ASAP3: variants seen among roughly 807,000 people sequenced by gnomAD.
The protein encoded by ASAP3 is arf-GAP with SH3 domain, ANK repeat and PH domain-containing protein 3.
In ASAP3, 85 loss-of-function variants were observed where a neutral mutation model predicts 118.2. The ratio of observed to expected loss-of-function variants is 0.72; its 90% CI spans 0.60 to 0.86. The LOEUF is 0.86. Ranked by LOEUF, ASAP3 falls within the 40% of genes least tolerant of loss-of-function variation. The pLI, the probability that ASAP3 is intolerant of heterozygous loss-of-function variation, is 0.00. For synonymous variants in ASAP3, 432 were observed against 477.4 expected, an observed-to-expected ratio of 0.90 and a Z score of 1.24; for missense variants, 1,026 against 1,175.0, an observed-to-expected ratio of 0.87 and a Z score of 1.85.
In ASAP3 at chr1:23,436,601, T is replaced by C. The variant is rs767436372; in HGVS notation, c.1530A>G (p.Leu510=). The change falls in exon 16 of 25, where the codon CTA becomes CTG. Residue 510 remains leucine (L), a synonymous_variant. Transcript: ENST00000336689. This position sits in a 1 kb window ranked among gnomAD's most constrained non-coding sequence, Gnocchi z 4.2. The stretch of plus-strand genomic sequence containing the variant: ...AGGGTTTAGGGCCGCCGTGTGAGGG[T>C]AGCTGGGCCTCCATGACCTCATTGA... ...TSFNEVMEAQ[L]PSHGGPKPSA... 5.0e-6 allele frequency: 8 copies of C among 1,614,052 alleles called. 1 individual carries two copies. The highest frequency in any genetic ancestry group is 6.8e-6 in the Non-Finnish European group (8 of 1,180,032).
rs1640758217 is a variant in ASAP3, at chr1:23,438,652, C to T, written c.1102+95G>A. On this transcript the variant is annotated intron_variant, in intron 12 of 24. Transcript: ENST00000336689. This position sits in a 1 kb window ranked among gnomAD's most constrained non-coding sequence, Gnocchi z 4.9. ...ATTCGACACCATGTGTGGAACTGGACACAGACCCCTCACTGAAGCCCCCCG... is the reference window on the plus strand; with the variant it reads ...ATTCGACACCATGTGTGGAACTGGATACAGACCCCTCACTGAAGCCCCCCG... The T allele has an allele frequency of 1.8e-6, 2 of 1,093,532 alleles. No individual in the cohort carries two copies. The highest frequency in any genetic ancestry group is 2.7e-5 in the South Asian group (2 of 74,922). The allele number at this position is 1,093,532 out of a possible 1,614,324, so 67.7% of individuals were successfully genotyped here.
chr1:23,447,303 A>G (rs1184916197), intron 5 of ASAP3, among the ~76,000 whole-genome samples: 2 of 152,172 alleles, frequency 1.3e-5, no homozygotes, highest in Admixed American at 1.3e-4. Flanking sequence ...TTTACTTCAT[A>G]ATGGCCCCAG....
chr1:23,431,638 T>C (rs1196991473), intron 23 of ASAP3, 58 bp downstream of exon 23: 1 of 1,440,978 alleles, frequency 6.9e-7, no homozygotes, highest in Non-Finnish European at 9.3e-7. Context: ...TGGAAATCAA[T>C]GGATGCTCAG....
At position 23,437,368 on chromosome 1, in the gene ASAP3, T is replaced by G. The variant is rs768604586; in HGVS notation, c.1152-48A>C. ...GATGGGGATGTCAAGTGGGAAGAGA[T>G]AGGGCCGCCGGCCCCCACCCACAAG... On this transcript the variant is annotated intron_variant, in intron 13 of 24. Transcript: ENST00000336689. This position sits in a 1 kb window ranked among gnomAD's most constrained non-coding sequence, Gnocchi z 6.1. 6.2e-7 allele frequency: 1 copy of G among 1,610,372 alleles called. No homozygotes were observed. Among genetic ancestry groups the G allele is most frequent in the East Asian group, 2.2e-5 (1 of 44,790 alleles).
Position 23,431,103 on chromosome 1 carries a change from G to T in ASAP3, c.2569C>A (p.Arg857=). The T allele has an allele frequency of 6.3e-7, 1 of 1,591,982 alleles. No homozygotes were observed. Among genetic ancestry groups the T allele is most frequent in the Admixed American group, 1.8e-5 (1 of 56,400 alleles). ...RFSSESTRSY[R]RGARSPEDGP... ...TCTTCAGGGCTCCGCGCCCCCCGCC[G>T]ATAGGAGCGAGTGCTCTCGGAGCTG... The change falls in exon 24 of 25, where the codon CGG becomes AGG. Residue 857 remains arginine (R), a synonymous_variant. Coordinates refer to ENST00000336689, the MANE Select transcript of ASAP3 (RefSeq NM_017707.4).
chr1:23,451,503 G>A lies in ASAP3; in HGVS notation c.449C>T (p.Ala150Val), dbSNP rs770430325. ...RQDSKKQLEK[A>V]WKDYEAKMAK... ...CATTTTGGCTTCATAGTCCTTCCAT[G>A]CCTTCTCCAGCTGTTTTTTGGAATC... The change falls in exon 5 of 25, where the codon GCA (alanine) becomes GTA (valine). Residue 150 changes from alanine (A) to valine (V), a missense_variant. Coordinates refer to ENST00000336689, the MANE Select transcript of ASAP3 (RefSeq NM_017707.4). 1 of 1,614,142 alleles carries A rather than the reference G, an allele frequency of 6.2e-7. No homozygotes were observed. Among genetic ancestry groups the A allele is most frequent in the South Asian group, 1.1e-5 (1 of 91,078 alleles).
chr1:23,451,976 G>A (rs1641230239), intron 4 of ASAP3, among the ~76,000 whole-genome samples: 1 of 152,216 alleles, frequency 6.6e-6, no homozygotes, highest in African/African-American at 2.4e-5. Flanking sequence ...TACAGGTCAA[G>A]GAACATGCAC....
rs545198781 is a variant in ASAP3 at position 23,433,307 on chromosome 1, T to C, written c.2128-35A>G. ...CAAAAGATTGAGGATGAGGACAGCCTGGTTCCTCCGGTGTAGCCCTGTCCC... is the reference window on the plus strand; with the variant it reads ...CAAAAGATTGAGGATGAGGACAGCCCGGTTCCTCCGGTGTAGCCCTGTCCC... On this transcript the variant is annotated intron_variant, in intron 21 of 24. Coordinates refer to ENST00000336689, the MANE Select transcript of ASAP3 (RefSeq NM_017707.4). 186 of 1,605,728 alleles carry C rather than the reference T, an allele frequency of 1.2e-4. 3 individuals carry two copies. Among genetic ancestry groups the C allele is most frequent in the Middle Eastern group, 8.3e-4 (5 of 6,020 alleles).
Position 23,476,215 on chromosome 1 carries a change from G to A in ASAP3, c.129+7790C>T, listed in dbSNP as rs373133182. On this transcript the variant is annotated intron_variant, in intron 1 of 24. Coordinates refer to ENST00000336689, the MANE Select transcript of ASAP3 (RefSeq NM_017707.4). The stretch of plus-strand genomic sequence containing the variant: ...ACAAAAATTAGCTGGGTGTGGTAGC[G>A]GGCGCCTGTAGCCCCAGGTACTTGG... 3.0e-4 allele frequency among the ~76,000 whole-genome samples: 45 copies of A among 151,842 alleles called. No homozygotes were observed. In the East Asian group the frequency reaches 6.6e-3, roughly 22 times the overall value.
In ASAP3 at chr1:23,434,606, GTTC is replaced by G; in HGVS notation, c.1759_1761del (p.Glu587del). 6.2e-7 allele frequency: 1 copy of G among 1,614,032 alleles called. No individual in the cohort carries two copies. The highest frequency in any genetic ancestry group is 8.5e-7 in the Non-Finnish European group (1 of 1,180,016). ...ACTTTGACAGCCAAATGCAAGACGA[GTTC>G]TTCAGGTGCCTGAAAACACATCCAC... On this transcript the variant is annotated inframe_deletion, in exon 18 of 25. Coordinates refer to ENST00000336689, the MANE Select transcript of ASAP3 (RefSeq NM_017707.4).
intron 1 of ASAP3, among the ~76,000 whole-genome samples, chr1:23,468,817 G>A (rs1377206704): frequency 2.2e-5 from 3 of 138,788 alleles, no homozygotes; most frequent in Non-Finnish European, 1.5e-5. Flanking sequence ...GTTGTAGTGA[G>A]CCGAGATCAC....
At chr1:23,472,843 C>T (rs1376204155) in intron 1 of ASAP3, among the ~76,000 whole-genome samples, 1 of 152,160 alleles carries the variant, frequency 6.6e-6, no homozygotes, top group African/African-American at 2.4e-5. Context: ...CTCAAACAAA[C>T]CCATAAGACA....
intron 17 of ASAP3, 34 bp from the exon 18 acceptor site, chr1:23,434,652 C>A (rs200340059): frequency 1.3e-5 from 21 of 1,597,952 alleles, no homozygotes; most frequent in African/African-American, 5.4e-5. Context: ...AGATTCCCCC[C>A]CCAGTGCACC....
rs1040517601 is a variant in ASAP3, at chr1:23,429,914, C to T, written c.2654G>A (p.Gly885Glu). 7 of 1,613,822 alleles carry T rather than the reference C, an allele frequency of 4.3e-6. No homozygotes were observed. The highest frequency in any genetic ancestry group is 5.9e-6 in the Non-Finnish European group (7 of 1,179,932). ...GAGACTCCCAGTCCTTGAGCCATCT[C>T]CTTCAGTGATGCCAACCTGCAGAAA... is the stretch of plus-strand genomic sequence containing the variant. ...RRNVPVGITE[G>E]DGSRTGSLPA... The change falls in exon 25 of 25, where the codon GGA becomes GAA. Residue 885 changes from glycine to glutamate, a missense_variant. Gly to Glu is a moderately conservative substitution (Grantham distance 98, BLOSUM62 -2). Transcript: ENST00000336689.
In ASAP3 at chr1:23,484,103, G is replaced by A. The variant is rs1158888153; in HGVS notation, c.31C>T (p.Leu11=). 33 of 1,339,908 alleles carry A rather than the reference G, an allele frequency of 2.5e-5. No individual in the cohort carries two copies. The highest frequency in any genetic ancestry group is 3.1e-5 in the Non-Finnish European group (32 of 1,048,996). The allele number at this position is 1,339,908 out of a possible 1,614,324, so 83.0% of individuals were successfully genotyped here. A position where few individuals can be genotyped will look rare whatever the true frequency, so the allele number is the denominator to read the frequency against. ...CTGAGGTCCTCCGCGGTGACGGCCA[G>A]GAACTCGGCGACGCTGAACTGCTCC... MPEQFSVAEF[L]AVTAEDLSSP... Residue 11 remains leucine (L), a synonymous_variant, in exon 1 of 25, where the codon CTG becomes TTG. Transcript: ENST00000336689.
At position 23,436,902 on chromosome 1, in the gene ASAP3, C is replaced by T. The variant is rs765597585; in HGVS notation, c.1476+9G>A. On this transcript the variant is annotated intron_variant, in intron 15 of 24. Coordinates refer to ENST00000336689, the MANE Select transcript of ASAP3 (RefSeq NM_017707.4). The surrounding 1 kb of genome is among the most constrained non-coding windows in gnomAD (Gnocchi z 4.2). ...TTCTGGCCCCTTCCAGGCCCCGCCC[C>T]GCCCTCACCAACAACTCGGAGGGGC... 2.7e-5 allele frequency: 44 copies of T among 1,609,994 alleles called. No homozygotes were observed. Among genetic ancestry groups the T allele is most frequent in the South Asian group, 4.4e-5 (4 of 90,938 alleles).
chr1:23,476,210 G>C (rs893447869), intron 1 of ASAP3, among the ~76,000 whole-genome samples: 11 of 152,010 alleles, frequency 7.2e-5, no homozygotes, highest in Admixed American at 2.0e-4. Context: ...GCTGGGTGTG[G>C]TAGCGGGCGC....
chr1:23,450,258 T>C (rs1237642162), intron 5 of ASAP3, among the ~76,000 whole-genome samples: 1 of 152,014 alleles, frequency 6.6e-6, no homozygotes, highest in East Asian at 1.9e-4. Flanking sequence ...TAATTATGAG[T>C]AGGGACAAAT....
At position 23,451,490 on chromosome 1, in the gene ASAP3, A is replaced by G. The variant is rs1410549980; in HGVS notation, c.462T>C (p.Tyr154=). The G allele has an allele frequency of 6.2e-7, 1 of 1,614,078 alleles. No individual in the cohort carries two copies. Among genetic ancestry groups the G allele is most frequent in the African/African-American group, 1.3e-5 (1 of 74,916 alleles). The change falls in exon 5 of 25, where the codon TAT becomes TAC. Residue 154 remains tyrosine, a synonymous_variant. Coordinates refer to ENST00000336689, the MANE Select transcript of ASAP3 (RefSeq NM_017707.4). The part of the protein sequence containing the change: ...KKQLEKAWKD[Y]EAKMAKLEKE... ...CTGTGGCCACTTACATTTTGGCTTC[A>G]TAGTCCTTCCATGCCTTCTCCAGCT...
Sources: allele counts gnomAD v4.1 joint callset (sites outside exome capture counted in the v4.1 genomes callset), GRCh38; gene constraint gnomAD v4.1.1; non-coding constraint Gnocchi (gnomAD v3.1); transcripts MANE v1.5; gene names NCBI Gene and HGNC (gene_info 2026-07-23, HGNC 2026-07-21).